Variants in CLNK observed in about 807,000 individuals in gnomAD.
CLNK encodes the protein cytokine-dependent hematopoietic cell linker.
In CLNK, 74 loss-of-function variants were observed where a neutral mutation model predicts 68.6. The observed-to-expected ratio is 1.08, with a 90% CI of 0.89 to 1.31. The LOEUF (loss-of-function observed/expected upper bound fraction) is 1.31. Among genes scored for constraint, CLNK ranks in the 50% most tolerant of loss-of-function variants. The pLI, the probability that CLNK is intolerant of heterozygous loss-of-function variation, is 0.00. For missense variants in CLNK, 553 were observed against 515.3 expected, an observed-to-expected ratio of 1.07 and a Z score of -0.71; for synonymous variants, 198 against 172.2, an observed-to-expected ratio of 1.15 and a Z score of -1.17.
At chr4:10,532,541 G>T (rs1412421464) in intron 11 of CLNK, among the ~76,000 whole-genome samples, 1 of 152,182 alleles carries the variant, frequency 6.6e-6, no homozygotes, top group African/African-American at 2.4e-5. Flanking sequence ...ATCTTATTTT[G>T]GGAGAAATTA....
chr4:10,495,445 G>A (rs1388706777), intron 18 of CLNK, among the ~76,000 whole-genome samples: 2 of 152,268 alleles, frequency 1.3e-5, no homozygotes, highest in South Asian at 2.1e-4. Flanking sequence ...TGGATGGCAG[G>A]GACTTGACAT....
intron 8 of CLNK, among the ~76,000 whole-genome samples, chr4:10,543,115 C>T (rs1038186187): frequency 3.9e-5 from 6 of 152,038 alleles, no homozygotes; most frequent in Non-Finnish European, 7.4e-5. Context: ...TGGCTGTCAC[C>T]GAACATGTTG....
the CLNK span, among the ~76,000 whole-genome samples, chr4:10,695,331 A>C: frequency 3.9e-5 from 6 of 152,338 alleles, no homozygotes; most frequent in African/African-American, 1.2e-4. Context: ...GAGAATTATT[A>C]TTTCTCAATT....
At chr4:10,596,298 TA>T in intron 3 of CLNK, among the ~76,000 whole-genome samples, 1 of 152,210 alleles carries the variant, frequency 6.6e-6, no homozygotes, top group Admixed American at 6.5e-5. Context: ...GTGCTGGGAT[TA>T]CAGGCATAAG....
intron 2 of CLNK, among the ~76,000 whole-genome samples, chr4:10,635,474 G>T (rs1277528978): frequency 1.3e-5 from 2 of 152,112 alleles, no homozygotes; most frequent in Admixed American, 6.5e-5. Flanking sequence ...CTCTCCTTGG[G>T]ATAGTATATT....
intron 3 of CLNK, among the ~76,000 whole-genome samples, chr4:10,592,724 T>C (rs1260370643): frequency 6.6e-6 from 1 of 151,952 alleles, no homozygotes; most frequent in African/African-American, 2.4e-5. Context: ...TGTTTATTTA[T>C]TTATTTATTA....
intron 1 of CLNK, among the ~76,000 whole-genome samples, chr4:10,675,684 T>C (rs1200948234): frequency 1.3e-5 from 2 of 152,232 alleles, no homozygotes; most frequent in Non-Finnish European, 2.9e-5. Context: ...ATGAAAATAC[T>C]GGCCTCTATT....
At chr4:10,645,143 C>G (rs1723460377) in intron 2 of CLNK, among the ~76,000 whole-genome samples, 1 of 152,210 alleles carries the variant, frequency 6.6e-6, no homozygotes, top group East Asian at 1.9e-4. Flanking sequence ...TGATCTCCTT[C>G]CTCTCTGGGA....
At chr4:10,535,542 ATTACTCTTGCTG>A (rs1224964013) in intron 11 of CLNK, among the ~76,000 whole-genome samples, 1 of 152,208 alleles carries the variant, frequency 6.6e-6, no homozygotes, top group Non-Finnish European at 1.5e-5. Flanking sequence ...AATGTTGTTG[ATTACTCTTGCTG>A]TTACTCAGGA....
the CLNK span, among the ~76,000 whole-genome samples, chr4:10,699,494 C>CTCTCTCTCTA: frequency 2.8e-3 from 158 of 56,914 alleles, no homozygotes; most frequent in Non-Finnish European, 3.6e-3. Flanking sequence ...CTCTCTCTCT[C>CTCTCTCTCTA]TATATATATA....
At chr4:10,728,385 A>AGT in the CLNK span, among the ~76,000 whole-genome samples, 105,852 of 146,672 alleles carry the variant, frequency 0.72, 38,415 homozygotes, top group East Asian at 0.79. Flanking sequence ...TATTCTAAAG[A>AGT]GTGTGTGTGT....
At chr4:10,624,722 T>C (rs1722600024) in intron 2 of CLNK, among the ~76,000 whole-genome samples, 1 of 151,776 alleles carries the variant, frequency 6.6e-6, no homozygotes, top group Non-Finnish European at 1.5e-5. Context: ...CTCAAGAGAG[T>C]TTGAGCTGCT....
chr4:10,694,433 G>A, the CLNK span, among the ~76,000 whole-genome samples: 3 of 151,990 alleles, frequency 2.0e-5, no homozygotes, highest in Non-Finnish European at 2.9e-5. Context: ...TATATACAAC[G>A]AAGGTCCCAC....
intron 2 of CLNK, among the ~76,000 whole-genome samples, chr4:10,602,749 A>G (rs148213369): frequency 6.6e-6 from 1 of 152,344 alleles, no homozygotes; most frequent in East Asian, 1.9e-4. Flanking sequence ...AGACGAAAAA[A>G]TGAATCAGAC....
chr4:10,690,450 T>C, the CLNK span, among the ~76,000 whole-genome samples: 1 of 152,126 alleles, frequency 6.6e-6, no homozygotes, highest in Non-Finnish European at 1.5e-5. Flanking sequence ...GGTATGTGAA[T>C]GTAGAAAGAG....
intron 2 of CLNK, among the ~76,000 whole-genome samples, chr4:10,650,001 C>T (rs1436272836): frequency 6.6e-6 from 1 of 151,990 alleles, no homozygotes; most frequent in Non-Finnish European, 1.5e-5. Flanking sequence ...AGCCATATAT[C>T]CATTAGTGGA....
intron 1 of CLNK, among the ~76,000 whole-genome samples, chr4:10,681,792 G>A (rs982630927): frequency 6.6e-6 from 1 of 152,174 alleles, no homozygotes; most frequent in Non-Finnish European, 1.5e-5. Flanking sequence ...GGAGCTCGGG[G>A]CTCGGGTGGA....
intron 18 of CLNK, among the ~76,000 whole-genome samples, chr4:10,498,335 CA>C (rs1172964241): frequency 1.3e-5 from 2 of 149,478 alleles, no homozygotes; most frequent in Non-Finnish European, 3.0e-5. Flanking sequence ...TAAAAAAATA[CA>C]AAAAAATTAG....
chr4:10,525,355 G>A (rs771979905), intron 14 of CLNK, among the ~76,000 whole-genome samples: 18 of 152,198 alleles, frequency 1.2e-4, no homozygotes, highest in African/African-American at 2.9e-4. Flanking sequence ...GTGAGCCACC[G>A]CGCCCGGCCA....
Sources: gnomAD v4.1 joint callset for allele counts (sites outside exome capture counted in the v4.1 genomes callset) on GRCh38, gnomAD v4.1.1 for gene constraint, MANE v1.5 for transcripts, NCBI Gene and HGNC (gene_info 2026-07-23, HGNC 2026-07-21) for gene names.